CCDC7: variants seen among roughly 807,000 people sequenced by gnomAD.
CCDC7 encodes the protein coiled-coil domain containing 7.
CCDC7 carries 183 observed loss-of-function variants against 196.9 expected under a neutral mutation model. The ratio of observed to expected loss-of-function variants is 0.93; its 90% CI spans 0.82 to 1.05. The LOEUF is 1.05. Ranked by LOEUF, CCDC7 falls within the 50% of genes least tolerant of loss-of-function variation. CCDC7 has a pLI of 0.00. For missense variants in CCDC7, 1,540 were observed against 1,482.2 expected, an observed-to-expected ratio of 1.04 and a Z score of -0.64; for synonymous variants, 525 against 484.6, an observed-to-expected ratio of 1.08 and a Z score of -1.10.
intron 15 of CCDC7, 26 bp from the exon 17 acceptor site, chr10:32,571,833 T>A (rs374349363): frequency 9.8e-6 from 15 of 1,525,218 alleles, no homozygotes; most frequent in Non-Finnish European, 1.3e-5. Context: ...TTGATATTTT[T>A]AAATGTAGTA....
At chr10:32,594,184 T>C (rs1403440135) in intron 18 of CCDC7, among the ~76,000 whole-genome samples, 1 of 152,252 alleles carries the variant, frequency 6.6e-6, no homozygotes, top group African/African-American at 2.4e-5. Flanking sequence ...TCCATGAGCA[T>C]GGAATGTTCT....
intron 11 of CCDC7, among the ~76,000 whole-genome samples, chr10:32,524,212 T>G (rs537323817): frequency 1.3e-5 from 2 of 152,296 alleles, no homozygotes; most frequent in South Asian, 4.1e-4. Context: ...ACCCACAACT[T>G]TAAACTAATG....
chr10:32,776,907 A>G (rs555106061), intron 28 of CCDC7, among the ~76,000 whole-genome samples: 1 of 151,274 alleles, frequency 6.6e-6, no homozygotes, highest in South Asian at 2.1e-4. Flanking sequence ...CTTTTTTTTT[A>G]CTTTTTCAGC....
At chr10:32,865,866 T>C (rs889263626) in intron 41 of CCDC7, among the ~76,000 whole-genome samples, 8 of 151,824 alleles carry the variant, frequency 5.3e-5, no homozygotes, top group Non-Finnish European at 1.2e-4. Context: ...CCACCATGTT[T>C]TCCCATTATT....
At chr10:32,829,297 T>C (rs963945105) in intron 32 of CCDC7, among the ~76,000 whole-genome samples, 1 of 152,142 alleles carries the variant, frequency 6.6e-6, no homozygotes. Flanking sequence ...AGGTGCTTGC[T>C]GAAGGCAAAG....
intron 18 of CCDC7, among the ~76,000 whole-genome samples, chr10:32,598,916 G>T (rs73255481): frequency 3.3e-5 from 5 of 152,062 alleles, no homozygotes. Context: ...CTGCATATAT[G>T]TGTTAGGTCC....
chr10:32,474,005 G>A, exon 8 of CCDC7: 3 of 1,611,472 alleles, frequency 1.9e-6, no homozygotes, highest in Non-Finnish European at 2.5e-6. Flanking sequence ...ATTTAAAGAT[G>A]TTTCTGCAAC....
Position 32,661,540 on chromosome 10 carries a change from C to T in CCDC7, c.2015-2514C>T, listed in dbSNP as rs143913076. Reference sequence around the variant, plus strand: ...CTCACCTGATGCCCATAGCATACTACCGAGATCTTGCTGCTGATTATTCAG... The same window carrying T: ...CTCACCTGATGCCCATAGCATACTATCGAGATCTTGCTGCTGATTATTCAG... On this transcript the variant is annotated intron_variant, in intron 20 of 41. Transcript: ENST00000639629. Among the ~76,000 whole-genome samples, 1,339 of 152,268 alleles carry T rather than the reference C, an allele frequency of 8.8e-3. 15 individuals carry two copies. Among genetic ancestry groups the T allele is most frequent in the African/African-American group, 0.029 (1,220 of 41,558 alleles).
intron 24 of CCDC7, among the ~76,000 whole-genome samples, chr10:32,701,809 G>T (rs1322970804): frequency 6.6e-6 from 1 of 152,082 alleles, no homozygotes; most frequent in Non-Finnish European, 1.5e-5. Flanking sequence ...TTGCATAGAG[G>T]TGTTTATAGT....
chr10:32,492,417 T>C (rs1362507939), intron 9 of CCDC7, among the ~76,000 whole-genome samples: 5 of 152,112 alleles, frequency 3.3e-5, no homozygotes, highest in Admixed American at 6.5e-5. Context: ...TTATTCACAA[T>C]AGCCAAAAGA....
At chr10:32,673,529 G>A (rs1222592833) in intron 21 of CCDC7, among the ~76,000 whole-genome samples, 1 of 152,024 alleles carries the variant, frequency 6.6e-6, no homozygotes, top group Non-Finnish European at 1.5e-5. Flanking sequence ...GTGATTGTAA[G>A]TAGGATTGAT....
At chr10:32,678,691 C>G (rs1293788870) in intron 21 of CCDC7, among the ~76,000 whole-genome samples, 1 of 152,162 alleles carries the variant, frequency 6.6e-6, no homozygotes, top group Non-Finnish European at 1.5e-5. Context: ...TGGGAAAAGT[C>G]CAATGCTCAC....
chr10:32,697,340 G>A (rs1269622504), intron 24 of CCDC7, among the ~76,000 whole-genome samples: 1 of 152,178 alleles, frequency 6.6e-6, no homozygotes, highest in Non-Finnish European at 1.5e-5. Flanking sequence ...GACAGTGGGT[G>A]CAGCCCACAG....
At chr10:32,857,815 G>GA (rs201564004) in intron 41 of CCDC7, among the ~76,000 whole-genome samples, 39 of 146,052 alleles carry the variant, frequency 2.7e-4, no homozygotes, top group East Asian at 1.4e-3. Context: ...AAAAACTATA[G>GA]AAAAAAAAAT....
At chr10:32,817,201 A>C (rs1326120169) in intron 31 of CCDC7, among the ~76,000 whole-genome samples, 1 of 152,230 alleles carries the variant, frequency 6.6e-6, no homozygotes, top group African/African-American at 2.4e-5. Flanking sequence ...CACAAGCCTG[A>C]GTAGCCGATT....
chr10:32,575,232 TTTC>T (rs1287864128), intron 16 of CCDC7, among the ~76,000 whole-genome samples: 4 of 152,312 alleles, frequency 2.6e-5, no homozygotes, highest in Middle Eastern at 3.4e-3. Context: ...AAATATTTTG[TTTC>T]TTTTCAATTT....
intron 9 of CCDC7, among the ~76,000 whole-genome samples, chr10:32,498,827 T>C (rs1192227397): frequency 6.6e-6 from 1 of 151,992 alleles, no homozygotes; most frequent in East Asian, 1.9e-4. Flanking sequence ...TTTTTTTTTT[T>C]TCATTTCTAC....
chr10:32,808,230 G>A (rs540488698), intron 30 of CCDC7, among the ~76,000 whole-genome samples: 1 of 152,200 alleles, frequency 6.6e-6, no homozygotes, highest in Non-Finnish European at 1.5e-5. Flanking sequence ...TCAGCCTAGA[G>A]CCGTGTTTCA....
chr10:32,733,662 T>C (rs190251582), intron 28 of CCDC7, among the ~76,000 whole-genome samples: 46 of 152,298 alleles, frequency 3.0e-4, no homozygotes, highest in African/African-American at 1.1e-3. Flanking sequence ...ATTGAGGTTT[T>C]TCTGTTTATT....
Sources: gnomAD v4.1 joint callset for allele counts (sites outside exome capture counted in the v4.1 genomes callset) on GRCh38, gnomAD v4.1.1 for gene constraint, MANE v1.5 for transcripts, NCBI Gene and HGNC (gene_info 2026-07-23, HGNC 2026-07-21) for gene names.